IQSEC3: variants seen among roughly 807,000 people sequenced by gnomAD.
The protein encoded by IQSEC3 is IQ motif and SEC7 domain-containing protein 3.
Under a neutral mutation model 105.4 loss-of-function variants are expected in IQSEC3, and 50 were observed. The ratio of observed to expected loss-of-function variants is 0.47; its 90% CI spans 0.38 to 0.60. IQSEC3 has a LOEUF of 0.60. Among genes scored for constraint, IQSEC3 ranks in the 20% least tolerant of loss-of-function variants. The pLI is 0.00. For missense variants in IQSEC3, 1,415 were observed against 1,630.0 expected (o/e 0.87, Z 2.27); for synonymous variants, 708 against 746.0 (o/e 0.95, Z 0.83).
At chr12:73,685 A>G (rs1174957569) in intron 1 of IQSEC3, among the ~76,000 whole-genome samples, 5 of 152,222 alleles carry the variant, frequency 3.3e-5, no homozygotes, top group African/African-American at 1.2e-4. Flanking sequence ...AAAAAAAGAA[A>G]AAGAAAAAGA....
chr12:111,190 A>G (rs1864873801), intron 2 of IQSEC3, among the ~76,000 whole-genome samples: 1 of 152,200 alleles, frequency 6.6e-6, no homozygotes, highest in Non-Finnish European at 1.5e-5. Flanking sequence ...AACAAAGAGC[A>G]TAACCTGTCT....
intron 3 of IQSEC3, among the ~76,000 whole-genome samples, chr12:133,123 G>A (rs1555085529): frequency 6.6e-6 from 1 of 152,182 alleles, no homozygotes; most frequent in Non-Finnish European, 1.5e-5. Context: ...AGGCAGACAG[G>A]GCTGAGAAGG....
intron 2 of IQSEC3, among the ~76,000 whole-genome samples, chr12:117,641 C>A (rs11064567): frequency 0.17 from 25,697 of 152,184 alleles, 2,769 homozygotes; most frequent in East Asian, 0.32. Flanking sequence ...GAAGTGGCTG[C>A]GACCCTTTGA....
At chr12:104,065 C>T (rs1864558585) in intron 2 of IQSEC3, among the ~76,000 whole-genome samples, 1 of 152,036 alleles carries the variant, frequency 6.6e-6, no homozygotes, top group Non-Finnish European at 1.5e-5. Flanking sequence ...CATCCTTACT[C>T]CAAGATGGAA....
intron 1 of IQSEC3, among the ~76,000 whole-genome samples, chr12:69,638 T>G (rs1365386285): frequency 6.6e-6 from 1 of 152,276 alleles, no homozygotes; most frequent in Non-Finnish European, 1.5e-5. Context: ...AGACCATAGA[T>G]GTGCCTGCCT....
rs1865846824 is a variant in IQSEC3 at position 138,175 on chromosome 12, C to T, written c.904-92C>T. The T allele has an allele frequency of 2.5e-6, 3 of 1,211,500 alleles. No individual in the cohort carries two copies. The Admixed American group carries it at 6.7e-5, about 27-fold the overall frequency. The allele number at this position is 1,211,500 out of a possible 1,614,324, so 75.0% of individuals were successfully genotyped here. A position where few individuals can be genotyped will look rare whatever the true frequency, so the allele number is the denominator to read the frequency against. On this transcript the variant is annotated intron_variant, in intron 3 of 13. Transcript: ENST00000538872. The surrounding 1 kb of genome is among the most constrained non-coding windows in gnomAD (Gnocchi z 7.1). Reference sequence around the variant, plus strand: ...GCCCCCGTCCATTCCTGGGCCCCACCCGAGTGTGGCCGGGTGACTCCACCA... The same window carrying T: ...GCCCCCGTCCATTCCTGGGCCCCACTCGAGTGTGGCCGGGTGACTCCACCA...
intron 1 of IQSEC3, among the ~76,000 whole-genome samples, chr12:90,740 A>C (rs1281859506): frequency 1.3e-5 from 2 of 152,166 alleles, no homozygotes; most frequent in Non-Finnish European, 2.9e-5. Flanking sequence ...TCAGTCTTGA[A>C]ACCATCCAGT....
chr12:86,832 T>C (rs534262052), intron 1 of IQSEC3, among the ~76,000 whole-genome samples: 2 of 152,166 alleles, frequency 1.3e-5, no homozygotes, highest in African/African-American at 4.8e-5. Flanking sequence ...GAAGATCAGA[T>C]AATCTGCCTG....
chr12:95,506 G>A (rs1864218188), intron 1 of IQSEC3, among the ~76,000 whole-genome samples: 1 of 152,030 alleles, frequency 6.6e-6, no homozygotes. Flanking sequence ...ATCACACATG[G>A]GAATTGATAT....
chr12:110,263 A>G lies in IQSEC3; in HGVS notation c.623+11049A>G, dbSNP rs527257857. Among the ~76,000 whole-genome samples the G allele has an allele frequency of 5.9e-5, 9 of 152,072 alleles. No homozygotes were observed. The East Asian group carries it at 1.4e-3, about 23-fold the overall frequency. On this transcript the variant is annotated intron_variant, in intron 2 of 13. Coordinates refer to ENST00000538872, the MANE Select transcript of IQSEC3 (RefSeq NM_001170738.2). The stretch of plus-strand genomic sequence containing the variant: ...TAATCGGTTTTTCATTCCACCTATC[A>G]ATCTTTTGCAGTTTCTTAGTAATAT...
intron 11 of IQSEC3, chr12:166,142 C>T (rs548145533): frequency 5.9e-5 from 28 of 477,540 alleles, no homozygotes; most frequent in South Asian, 1.6e-4. Flanking sequence ...TGGGGCTGCG[C>T]GTGGGCCTCT....
intron 1 of IQSEC3, among the ~76,000 whole-genome samples, chr12:75,598 G>C (rs1434557505): frequency 1.3e-5 from 2 of 152,220 alleles, no homozygotes; most frequent in African/African-American, 4.8e-5. Context: ...GTTTGCTATG[G>C]GGCAGGAAGA....
rs911249330 is a variant in IQSEC3 at position 176,247 on chromosome 12, A to T, written c.*1214A>T. 27 of 152,354 alleles carry T rather than the reference A, an allele frequency of 1.8e-4. No homozygotes were observed. The highest frequency in any genetic ancestry group is 6.0e-4 in the African/African-American group (25 of 41,570). The allele number at this position is 152,354 out of a possible 1,614,324, so 9.4% of individuals were successfully genotyped here. A position where few individuals can be genotyped will look rare whatever the true frequency, so the allele number is the denominator to read the frequency against. On this transcript the variant is annotated 3_prime_UTR_variant, in exon 14 of 14. Transcript: ENST00000538872. The surrounding 1 kb of genome is among the most constrained non-coding windows in gnomAD (Gnocchi z 4.0). ...CGCTGACCTCCCAGGGCCCAGCAAGATGGGATAGCCAGCCTTAGGTGGCCC... is the reference window on the plus strand; with the variant it reads ...CGCTGACCTCCCAGGGCCCAGCAAGTTGGGATAGCCAGCCTTAGGTGGCCC...
intron 1 of IQSEC3, among the ~76,000 whole-genome samples, chr12:79,500 T>C (rs1367982808): frequency 6.6e-6 from 1 of 152,204 alleles, no homozygotes; most frequent in Non-Finnish European, 1.5e-5. Flanking sequence ...GCACAATCAT[T>C]GCTCTCTGCA....
intron 3 of IQSEC3, among the ~76,000 whole-genome samples, chr12:136,101 C>T (rs1471004280): frequency 1.3e-5 from 2 of 152,240 alleles, no homozygotes; most frequent in African/African-American, 4.8e-5. Context: ...GGAGCTTCCT[C>T]CTGCTCAGGG....
chr12:142,126 A>G lies in IQSEC3; in HGVS notation c.2153+841A>G, dbSNP rs532868213. 8.8e-4 allele frequency: 133 copies of G among 151,952 alleles called. 1 individual carries two copies. Among genetic ancestry groups the G allele is most frequent in the African/African-American group, 3.0e-3 (124 of 41,410 alleles). 9.4% of individuals were successfully genotyped at this position (151,952 alleles called of 1,614,324 possible). A position where few individuals can be genotyped will look rare whatever the true frequency, so the allele number is the denominator to read the frequency against. ...CTCCATTCTTCAGGGACCCTCCCTC[A>G]TTTCTCTCCCCTCTTTCTCCTTGGG... On this transcript the variant is annotated intron_variant, in intron 5 of 13. Coordinates refer to ENST00000538872, the MANE Select transcript of IQSEC3 (RefSeq NM_001170738.2).
At chr12:74,576 C>T (rs1269156450) in intron 1 of IQSEC3, among the ~76,000 whole-genome samples, 1 of 152,250 alleles carries the variant, frequency 6.6e-6, no homozygotes, top group Non-Finnish European at 1.5e-5. Context: ...CTGAGCGGCA[C>T]CTTTCCTCCC....
chr12:171,267 A>T (rs1938979246), intron 13 of IQSEC3, 106 bp downstream of exon 13: 4 of 1,614,048 alleles, frequency 2.5e-6, no homozygotes, highest in Non-Finnish European at 2.5e-6. Flanking sequence ...ATGCCTCCCC[A>T]GCCCGACTCA....
intron 2 of IQSEC3, among the ~76,000 whole-genome samples, chr12:115,123 CA>C (rs1217844158): frequency 3.9e-5 from 6 of 152,190 alleles, no homozygotes; most frequent in Admixed American, 1.3e-4. Context: ...ATGTCCAGAG[CA>C]ATGTCCTACC....
Sources: gnomAD v4.1 joint callset for allele counts (sites outside exome capture counted in the v4.1 genomes callset) on GRCh38, gnomAD v4.1.1 for gene constraint, Gnocchi (gnomAD v3.1) non-coding constraint, MANE v1.5 for transcripts, NCBI Gene and HGNC (gene_info 2026-07-23, HGNC 2026-07-21) for gene names.